SLC22A12: variants seen among roughly 807,000 people sequenced by gnomAD.
SLC22A12 encodes solute carrier family 22 member 12.
In SLC22A12, 56 loss-of-function variants were observed where a neutral mutation model predicts 52.7. That is an observed-to-expected ratio of 1.06 (90% CI 0.86 to 1.33). The LOEUF (loss-of-function observed/expected upper bound fraction) is 1.33. Ranked by LOEUF, SLC22A12 falls within the 40% of genes most tolerant of loss-of-function variation. The probability of loss-of-function intolerance (pLI) is 0.00; values close to 1 mark genes in which losing one functional copy is unlikely to be tolerated. For missense variants in SLC22A12, 683 were observed against 741.5 expected, an observed-to-expected ratio of 0.92 and a Z score of 0.92; for synonymous variants, 337 against 324.6, an observed-to-expected ratio of 1.04 and a Z score of -0.41.
rs1382724038 is a variant in SLC22A12, at chr11:64,600,937, C to A, written c.1597C>A (p.Gln533Lys). The A allele has an allele frequency of 2.5e-6, 4 of 1,607,870 alleles. No individual in the cohort carries two copies. In the East Asian group the frequency reaches 8.9e-5, roughly 36 times the overall value. The change falls in exon 9 of 10, where the codon CAG becomes AAG. Residue 533 changes from glutamine (Q) to lysine (K), a missense_variant and splice_region_variant. Transcript: ENST00000377574. ...CGACACCATCCAAGATGTGCAGAAC[C>A]AGTGAGTGGACCCAGCCTCGGGACC... is the stretch of plus-strand genomic sequence containing the variant. Reference protein sequence around the residue: ...LPDTIQDVQNQAVKKATHGTL... With the variant: ...LPDTIQDVQNKAVKKATHGTL...
intron 4 of SLC22A12, among the ~76,000 whole-genome samples, chr11:64,595,344 T>C (rs1204821932): frequency 5.9e-5 from 6 of 101,606 alleles, no homozygotes; most frequent in Admixed American, 1.0e-4. Context: ...GTTGAATGGA[T>C]GGTTGAATGG....
At chr11:64,592,036 G>A in intron 1 of SLC22A12, 78 bp downstream of exon 1, 1 of 1,559,096 alleles carries the variant, frequency 6.4e-7, no homozygotes, top group Non-Finnish European at 8.6e-7. Context: ...AGACTCAAAG[G>A]TCCAGTCCTG....
chr11:64,598,577 G>A lies in SLC22A12; in HGVS notation c.892G>A (p.Glu298Lys). The change falls in exon 5 of 10, where the codon GAG becomes AAG. Residue 298 changes from glutamate to lysine, a missense_variant. By Grantham distance (56) the Glu-to-Lys change is moderately conservative (BLOSUM62 1). Coordinates refer to ENST00000377574, the MANE Select transcript of SLC22A12 (RefSeq NM_144585.4). ...TTGRLDWGLQ[E>K]LWRVAAINGK... is the part of the protein sequence containing the mutation. The stretch of plus-strand genomic sequence containing the variant: ...AGGCAGGCTGGATTGGGGCCTGCAG[G>A]AGCTGTGGAGGGTGGCTGCCATCAA... The A allele has an allele frequency of 1.2e-6, 2 of 1,607,982 alleles. No individual in the cohort carries two copies. Among genetic ancestry groups the A allele is most frequent in the Non-Finnish European group, 1.7e-6 (2 of 1,178,098 alleles).
Position 64,591,810 on chromosome 11 carries a change from C to G in SLC22A12, c.254C>G (p.Pro85Arg), listed in dbSNP as rs2038925096. The part of the protein sequence containing the change: ...ISIPPGPNQR[P>R]HQCRRFRQPQ... ...ATCCCGCCGGGCCCCAACCAGAGGCCCCACCAGTGCCGCCGCTTCCGCCAG... is the reference window on the plus strand; with the variant it reads ...ATCCCGCCGGGCCCCAACCAGAGGCGCCACCAGTGCCGCCGCTTCCGCCAG... The change falls in exon 1 of 10, where the codon CCC (proline) becomes CGC (arginine). Residue 85 changes from proline (P) to arginine (R), a missense_variant. Coordinates refer to ENST00000377574, the MANE Select transcript of SLC22A12 (RefSeq NM_144585.4). 6.2e-7 allele frequency: 1 copy of G among 1,612,428 alleles called. No homozygotes were observed. The highest frequency in any genetic ancestry group is 8.5e-7 in the Non-Finnish European group (1 of 1,179,994).
intron 8 of SLC22A12, 110 bp from the exon 9 acceptor site, chr11:64,600,625 C>G: frequency 6.6e-7 from 1 of 1,520,588 alleles, no homozygotes; most frequent in Non-Finnish European, 8.9e-7. Context: ...GCATCCCAAG[C>G]CCAGCCTGAC....
At chr11:64,594,722 T>C (rs796103070) in intron 4 of SLC22A12, among the ~76,000 whole-genome samples, 26 of 139,492 alleles carry the variant, frequency 1.9e-4, no homozygotes, top group African/African-American at 4.1e-4. Context: ...GATGGATGGA[T>C]GGACGGACAG....
chr11:64,592,081 C>T (rs182860255), intron 1 of SLC22A12, 123 bp downstream of exon 1: 41 of 1,448,920 alleles, frequency 2.8e-5, no homozygotes, highest in South Asian at 3.8e-5. Flanking sequence ...CACTCACTCT[C>T]GAGCCTCTCA....
chr11:64,598,682 C>G (rs2135465046), intron 5 of SLC22A12, 43 bp downstream of exon 5: 1 of 1,600,640 alleles, frequency 6.2e-7, no homozygotes, highest in East Asian at 2.3e-5. Flanking sequence ...CAGACCCTCT[C>G]CCTGCCCCTG....
At position 64,598,770 on chromosome 11, in the gene SLC22A12, G is replaced by A. The variant is rs368284669; in HGVS notation, c.955-38G>A. ...TCTCAGAGAGGAGGAGGTGCCTGGCGCCCCCAGTGCCAACAGCACCCACCC... is the reference window on the plus strand; with the variant it reads ...TCTCAGAGAGGAGGAGGTGCCTGGCACCCCCAGTGCCAACAGCACCCACCC... On this transcript the variant is annotated intron_variant, in intron 5 of 9. Coordinates refer to ENST00000377574, the MANE Select transcript of SLC22A12 (RefSeq NM_144585.4). 3.0e-3 allele frequency: 4,818 copies of A among 1,610,774 alleles called. 162 individuals carry two copies. The South Asian group carries it at 0.047, about 16-fold the overall frequency.
chr11:64,595,802 G>T (rs2039163214), intron 4 of SLC22A12, among the ~76,000 whole-genome samples: 1 of 127,032 alleles, frequency 7.9e-6, no homozygotes, highest in Admixed American at 8.0e-5. Flanking sequence ...ATGGATAGAT[G>T]ATTGGAATAG....
Position 64,599,768 on chromosome 11 carries a change from T to C in SLC22A12, c.1163T>C (p.Val388Ala), listed in dbSNP as rs758248424. The C allele has an allele frequency of 6.2e-7, 1 of 1,612,676 alleles. No individual in the cohort carries two copies. The highest frequency in any genetic ancestry group is 1.3e-5 in the African/African-American group (1 of 74,866). The change falls in exon 7 of 10, where the codon GTG becomes GCG. Residue 388 changes from valine to alanine, a missense_variant. Coordinates refer to ENST00000377574, the MANE Select transcript of SLC22A12 (RefSeq NM_144585.4). ...IFLLQMFIGVVDIPAKMGALL... is the reference protein window; with the variant it reads ...IFLLQMFIGVADIPAKMGALL... ...CTGCTCCAAATGTTCATTGGTGTCG[T>C]GGACATCCCAGCCAAGATGGGCGCC... is the stretch of plus-strand genomic sequence containing the variant.
chr11:64,595,330 GATGGTTGA>G (rs1565136342), intron 4 of SLC22A12, among the ~76,000 whole-genome samples: 191 of 124,324 alleles, frequency 1.5e-3, no homozygotes, highest in African/African-American at 3.4e-3. Context: ...TGGATGGATG[GATGGTTGA>G]ATGGATGGTT....
At chr11:64,600,311 C>A in intron 7 of SLC22A12, 56 bp from the exon 8 acceptor site, 1 of 1,343,084 alleles carries the variant, frequency 7.4e-7, no homozygotes, top group Non-Finnish European at 1.0e-6. Flanking sequence ...CTGAAGGGAG[C>A]CCTCATCTGA....
chr11:64,596,508 T>C (rs981342090), intron 4 of SLC22A12, among the ~76,000 whole-genome samples: 4 of 152,204 alleles, frequency 2.6e-5, no homozygotes, highest in Non-Finnish European at 4.4e-5. Context: ...GGATCATTCA[T>C]ACACAGGCCC....
chr11:64,593,903 A>G, intron 4 of SLC22A12, 100 bp downstream of exon 4: 1 of 1,501,986 alleles, frequency 6.7e-7, no homozygotes, highest in Non-Finnish European at 9.0e-7. Flanking sequence ...GGGGAGTGCT[A>G]GAGGCCAGGG....
At chr11:64,594,727 G>A (rs534675563) in intron 4 of SLC22A12, among the ~76,000 whole-genome samples, 14 of 143,600 alleles carry the variant, frequency 9.7e-5, no homozygotes, top group Admixed American at 4.9e-4. Context: ...ATGGATGGAC[G>A]GACAGACGGA....
At position 64,599,814 on chromosome 11, in the gene SLC22A12, G is replaced by C. The variant is rs142769893; in HGVS notation, c.1209G>C (p.Leu403=). The C allele has an allele frequency of 6.2e-7, 1 of 1,612,764 alleles. No individual in the cohort carries two copies. Among genetic ancestry groups the C allele is most frequent in the South Asian group, 1.1e-5 (1 of 91,060 alleles). The change falls in exon 7 of 10, where the codon CTG becomes CTC. Residue 403 remains leucine (L), a synonymous_variant. Transcript: ENST00000377574. ...KMGALLLLSH[L]GRRPTLAASL... ...GCGCCCTGCTGCTGCTGAGCCACCT[G>C]GGCCGCCGCCCCACGCTGGCCGCAT...
intron 4 of SLC22A12, among the ~76,000 whole-genome samples, chr11:64,597,600 T>G (rs564436857): frequency 6.6e-6 from 1 of 152,206 alleles, no homozygotes; most frequent in East Asian, 1.9e-4. Context: ...AATCTCCACT[T>G]CTCCCCTCTG....
At chr11:64,594,269 T>G (rs2039015209) in intron 4 of SLC22A12, among the ~76,000 whole-genome samples, 1 of 152,210 alleles carries the variant, frequency 6.6e-6, no homozygotes, top group Non-Finnish European at 1.5e-5. Context: ...ACAGAATCAA[T>G]GCTTGTGTCT....
Sources: gnomAD v4.1 joint callset for allele counts (sites outside exome capture counted in the v4.1 genomes callset) on GRCh38, gnomAD v4.1.1 for gene constraint, MANE v1.5 for transcripts, NCBI Gene and HGNC (gene_info 2026-07-23, HGNC 2026-07-21) for gene names.